ANO6: variants seen among roughly 807,000 people sequenced by gnomAD.
ANO6 encodes the protein anoctamin 6, also known as anoctamin-6.
A neutral mutation model predicts 117.5 loss-of-function variants in ANO6; 106 were observed. The observed-to-expected ratio is 0.90, with a 90% CI of 0.77 to 1.06. ANO6 has a LOEUF of 1.06. ANO6 is among the 50% of genes least tolerant of loss of function. ANO6 has a pLI of 0.00. For missense variants in ANO6, 955 were observed against 1,121.1 expected (o/e 0.85, Z 2.12); for synonymous variants, 367 against 385.1 (o/e 0.95, Z 0.55).
intron 1 of ANO6, among the ~76,000 whole-genome samples, chr12:45,223,683 T>C (rs746499857): frequency 6.6e-6 from 1 of 152,230 alleles, no homozygotes; most frequent in Non-Finnish European, 1.5e-5. Context: ...TCTTGGTGAC[T>C]GGCCTAGGTT....
chr12:45,371,168 C>T (rs1277835545), intron 9 of ANO6, among the ~76,000 whole-genome samples: 6 of 152,174 alleles, frequency 3.9e-5, no homozygotes, highest in South Asian at 2.1e-4. Context: ...TAAAAAACGG[C>T]GCACCACAAG....
intron 1 of ANO6, among the ~76,000 whole-genome samples, chr12:45,273,877 G>A (rs1286007046): frequency 6.6e-6 from 1 of 152,154 alleles, no homozygotes; most frequent in Non-Finnish European, 1.5e-5. Context: ...ATACACTTAT[G>A]GGTAAGGAAT....
intron 17 of ANO6, 92 bp from the exon 18 acceptor site, chr12:45,420,979 C>G: frequency 7.3e-7 from 1 of 1,368,490 alleles, no homozygotes; most frequent in Non-Finnish European, 1.0e-6. Context: ...GAGCCGAGAT[C>G]GTGCCATGCA....
intron 15 of ANO6, among the ~76,000 whole-genome samples, chr12:45,407,178 C>G (rs1194364672): frequency 2.0e-5 from 3 of 152,142 alleles, no homozygotes; most frequent in Non-Finnish European, 2.9e-5. Flanking sequence ...GCATCTGTAA[C>G]TCAGAAATGA....
At chr12:45,370,345 A>G (rs7305926) in intron 9 of ANO6, among the ~76,000 whole-genome samples, 150,106 of 152,360 alleles carry the variant, frequency 0.99, 73,991 homozygotes, top group Middle Eastern at 1. Flanking sequence ...AGGCATGTCC[A>G]TCACCTTGAG....
intron 9 of ANO6, among the ~76,000 whole-genome samples, chr12:45,368,301 A>G (rs982898127): frequency 6.6e-6 from 1 of 152,148 alleles, no homozygotes; most frequent in Admixed American, 6.5e-5. Context: ...GATTTGGGAT[A>G]CTCAACCTGT....
chr12:45,368,775 A>C (rs1162854603), intron 9 of ANO6, among the ~76,000 whole-genome samples: 1 of 152,212 alleles, frequency 6.6e-6, no homozygotes, highest in Non-Finnish European at 1.5e-5. Flanking sequence ...ACTCCATGTA[A>C]GTCAGATTTT....
At chr12:45,351,877 G>A (rs1310093258) in intron 7 of ANO6, among the ~76,000 whole-genome samples, 1 of 4,278 alleles carries the variant, frequency 2.3e-4, no homozygotes, top group Admixed American at 7.0e-3. Context: ...TCCTATTCAC[G>A]TTTTGCAGAT....
chr12:45,347,975 A>T (rs1941182035), intron 4 of ANO6, 53 bp from the exon 5 acceptor site: 2 of 1,562,174 alleles, frequency 1.3e-6, no homozygotes, highest in East Asian at 2.2e-5. Context: ...ATGTGTTTTA[A>T]AATTGTGAAA....
chr12:45,240,726 G>GCT (rs1043589402), intron 1 of ANO6, among the ~76,000 whole-genome samples: 47 of 152,270 alleles, frequency 3.1e-4, no homozygotes, highest in African/African-American at 8.2e-4. Context: ...TCCTTCAGGA[G>GCT]CTCTTGTAAG....
At chr12:45,235,085 G>A (rs1947626222) in intron 1 of ANO6, among the ~76,000 whole-genome samples, 1 of 152,160 alleles carries the variant, frequency 6.6e-6, no homozygotes, top group Non-Finnish European at 1.5e-5. Context: ...AGTCTCTTTA[G>A]TTCTTTGGAT....
intron 9 of ANO6, among the ~76,000 whole-genome samples, chr12:45,374,258 G>A (rs1251549827): frequency 1.1e-5 from 1 of 92,100 alleles, no homozygotes. Flanking sequence ...ATTCACAGCC[G>A]AATTCTACCA....
chr12:45,394,601 A>C (rs1374976940), intron 12 of ANO6, among the ~76,000 whole-genome samples: 2 of 152,194 alleles, frequency 1.3e-5, no homozygotes, highest in Non-Finnish European at 2.9e-5. Context: ...GAAGTAAAGC[A>C]CTCCTCAGCA....
chr12:45,295,428 C>T (rs1004489413), intron 1 of ANO6, among the ~76,000 whole-genome samples: 3 of 152,146 alleles, frequency 2.0e-5, no homozygotes, highest in African/African-American at 4.8e-5. Context: ...AGCAGCGGGG[C>T]GGGGATAGAC....
At chr12:45,397,226 C>G (rs1942641959) in intron 12 of ANO6, among the ~76,000 whole-genome samples, 1 of 152,166 alleles carries the variant, frequency 6.6e-6, no homozygotes, top group Non-Finnish European at 1.5e-5. Flanking sequence ...AGCCAACAGA[C>G]ACATGAAAAA....
chr12:45,377,137 G>T (rs1285948332), intron 9 of ANO6, among the ~76,000 whole-genome samples: 1 of 149,392 alleles, frequency 6.7e-6, no homozygotes, highest in African/African-American at 2.5e-5. Context: ...TTCAGCATTT[G>T]AAAAGGTTTT....
chr12:45,404,090 C>A (rs1942871264), intron 15 of ANO6, among the ~76,000 whole-genome samples: 1 of 152,138 alleles, frequency 6.6e-6, no homozygotes, highest in South Asian at 2.1e-4. Flanking sequence ...TAAGAGACTA[C>A]TGTAGGATTC....
In ANO6 at chr12:45,231,000, G is replaced by A. The variant is rs190603631; in HGVS notation, c.70+14609G>A. 4.3e-3 allele frequency among the ~76,000 whole-genome samples: 657 copies of A among 152,204 alleles called. 7 individuals carry two copies. The highest frequency in any genetic ancestry group is 0.015 in the African/African-American group (621 of 41,524). ...TGCATGCCTGTAGTCCCAGCTACTC[G>A]GGAGGCTGAGGTGGGAGGACTGCTT... On this transcript the variant is annotated intron_variant, in intron 1 of 19. Transcript: ENST00000320560.
At chr12:45,248,802 C>G (rs1418224344) in intron 1 of ANO6, among the ~76,000 whole-genome samples, 1 of 152,178 alleles carries the variant, frequency 6.6e-6, no homozygotes, top group Non-Finnish European at 1.5e-5. Flanking sequence ...ATCATTTTAA[C>G]AAAGGGTTGT....
Sources: gnomAD v4.1 joint callset for allele counts (sites outside exome capture counted in the v4.1 genomes callset) on GRCh38, gnomAD v4.1.1 for gene constraint, MANE v1.5 for transcripts, NCBI Gene and HGNC (gene_info 2026-07-23, HGNC 2026-07-21) for gene names.